Variants in POLR3E observed in about 807,000 individuals in gnomAD.
The protein encoded by POLR3E is DNA-directed RNA polymerase III subunit RPC5.
Under a neutral mutation model 96.6 loss-of-function variants are expected in POLR3E, and 41 were observed. The observed-to-expected ratio is 0.42, with a 90% CI of 0.33 to 0.55. The LOEUF (loss-of-function observed/expected upper bound fraction) is 0.55. Ranked by LOEUF, POLR3E falls within the 20% of genes least tolerant of loss-of-function variation. The probability of loss-of-function intolerance (pLI) is 0.06; values close to 1 mark genes in which losing one functional copy is unlikely to be tolerated. For synonymous variants in POLR3E, 396 were observed against 383.6 expected (o/e 1.03, Z -0.38); for missense variants, 849 against 952.1 (o/e 0.89, Z 1.43).
At chr16:22,307,115 G>A (rs1455449793) in intron 3 of POLR3E, among the ~76,000 whole-genome samples, 2 of 152,172 alleles carry the variant, frequency 1.3e-5, no homozygotes, top group Non-Finnish European at 2.9e-5. Context: ...TGCCTCCTCC[G>A]TGCTCACAGC....
At position 22,318,745 on chromosome 16, in the gene POLR3E, G is replaced by A; in HGVS notation, c.866-81G>A. 2 of 1,482,814 alleles carry A rather than the reference G, an allele frequency of 1.3e-6. No homozygotes were observed. Among genetic ancestry groups the A allele is most frequent in the Non-Finnish European group, 1.8e-6 (2 of 1,084,864 alleles). 91.9% of individuals were successfully genotyped at this position (1,482,814 alleles called of 1,614,324 possible). On this transcript the variant is annotated intron_variant, in intron 12 of 20. Coordinates refer to ENST00000299853, the MANE Select transcript of POLR3E (RefSeq NM_018119.4). This position sits in a 1 kb window ranked among gnomAD's most constrained non-coding sequence, Gnocchi z 5.0. ...CATTCTGGGGTTATTACATGAACTT[G>A]AAGCTATGCGGACTCTCGGTGGAGG... is the stretch of plus-strand genomic sequence containing the variant.
In POLR3E at chr16:22,325,830, C is replaced by T. The variant is rs771185200; in HGVS notation, c.1418C>T (p.Ala473Val). The T allele has an allele frequency of 2.4e-5, 39 of 1,611,118 alleles. No homozygotes were observed. Among genetic ancestry groups the T allele is most frequent in the Admixed American group, 1.5e-4 (9 of 59,748 alleles). Residue 473 changes from alanine to valine, a missense_variant, in exon 18 of 21, where the codon GCG (alanine) becomes GTG (valine). Coordinates refer to ENST00000299853, the MANE Select transcript of POLR3E (RefSeq NM_018119.4). The part of the protein sequence containing the change: ...VAKTKAQQNH[A>V]LLERELQRRK... ...AAAACCAAGGCCCAGCAGAACCACG[C>T]GTTGCTGGAGCGGGAGCTGCAGCGG...
intron 16 of POLR3E, 103 bp downstream of exon 16, chr16:22,324,763 A>C: frequency 7.1e-6 from 9 of 1,276,248 alleles, no homozygotes; most frequent in African/African-American, 1.5e-5. Context: ...GAAACCCCAC[A>C]TCTGGGGAGA....
intron 13 of POLR3E, 68 bp downstream of exon 13, chr16:22,319,014 G>A: frequency 8.0e-7 from 1 of 1,248,072 alleles, no homozygotes. Flanking sequence ...CACTCTTGTT[G>A]CCCAGGCTGG....
At chr16:22,305,785 G>A (rs1282276401) in intron 3 of POLR3E, among the ~76,000 whole-genome samples, 1 of 152,132 alleles carries the variant, frequency 6.6e-6, no homozygotes, top group Admixed American at 6.6e-5. Context: ...TGTCATTGTG[G>A]CCAACATGTA....
At chr16:22,316,768 C>A in intron 10 of POLR3E, 82 bp downstream of exon 10, 1 of 1,195,318 alleles carries the variant, frequency 8.4e-7, no homozygotes, top group African/African-American at 1.5e-5. Context: ...TCCCAGAGGA[C>A]TGTGGCCCCT....
intron 6 of POLR3E, 123 bp downstream of exon 6, chr16:22,309,633 C>G: frequency 1.3e-6 from 1 of 770,078 alleles, no homozygotes; most frequent in Admixed American, 1.8e-5. Flanking sequence ...CTGTGGGGGC[C>G]GGGCAGGTGT....
At position 22,313,580 on chromosome 16, in the gene POLR3E, G is replaced by A. The variant is rs770507569; in HGVS notation, c.365-40G>A. ...TGACTCTCTTGAGCCAAACTGGGTGGGTTTCTAGAGTTGAGTCCAAGCCCT... is the reference window on the plus strand; with the variant it reads ...TGACTCTCTTGAGCCAAACTGGGTGAGTTTCTAGAGTTGAGTCCAAGCCCT... On this transcript the variant is annotated intron_variant, in intron 6 of 20. Transcript: ENST00000299853. The surrounding 1 kb of genome is among the most constrained non-coding windows in gnomAD (Gnocchi z 4.1). The A allele has an allele frequency of 3.0e-5, 42 of 1,397,046 alleles. No homozygotes were observed. The highest frequency in any genetic ancestry group is 5.1e-6 in the Non-Finnish European group (5 of 983,918). 86.5% of individuals were successfully genotyped at this position (1,397,046 alleles called of 1,614,324 possible). A position where few individuals can be genotyped will look rare whatever the true frequency, so the allele number is the denominator to read the frequency against.
chr16:22,328,706 C>A, intron 19 of POLR3E, 119 bp downstream of exon 19: 1 of 803,370 alleles, frequency 1.2e-6, no homozygotes, highest in Non-Finnish European at 2.2e-6. Flanking sequence ...TTCTGGCACA[C>A]TCGGTTTTAA....
intron 1 of POLR3E, among the ~76,000 whole-genome samples, chr16:22,298,481 T>C (rs2047945170): frequency 6.6e-6 from 1 of 152,190 alleles, no homozygotes; most frequent in Admixed American, 6.5e-5. Context: ...TTAGTTTCCC[T>C]ACTTTAGGGA....
chr16:22,319,079 A>C, intron 13 of POLR3E, 133 bp downstream of exon 13: 2 of 547,190 alleles, frequency 3.7e-6, no homozygotes, highest in Admixed American at 6.4e-5. Flanking sequence ...GGTCCAAGCA[A>C]CTCTCCTGCC....
chr16:22,305,045 A>G, intron 2 of POLR3E, 111 bp from the exon 3 acceptor site: 1 of 829,730 alleles, frequency 1.2e-6, no homozygotes, highest in East Asian at 2.4e-5. Flanking sequence ...TCCTTCCCCA[A>G]ACTGCTTCCC....
At chr16:22,308,348 C>T (rs994242301) in intron 4 of POLR3E, 123 bp downstream of exon 4, 5 of 763,184 alleles carry the variant, frequency 6.6e-6, no homozygotes, top group Admixed American at 6.0e-5. Context: ...AACTCCCAGG[C>T]CCTTGAAAGC....
intron 1 of POLR3E, among the ~76,000 whole-genome samples, chr16:22,299,890 A>C (rs199516906): frequency 1.6e-5 from 2 of 126,702 alleles, no homozygotes; most frequent in Non-Finnish European, 1.5e-5. Context: ...TTAAAGAGAG[A>C]CCGGGGGGCG....
chr16:22,309,296 G>A (rs1178318049), intron 5 of POLR3E, 132 bp from the exon 6 acceptor site: 10 of 786,010 alleles, frequency 1.3e-5, no homozygotes, highest in Admixed American at 7.0e-5. Flanking sequence ...TGAGACCCGC[G>A]TAGGCTGCCC....
At chr16:22,332,785 A>C (rs2048768209) in intron 20 of POLR3E, among the ~76,000 whole-genome samples, 1 of 152,150 alleles carries the variant, frequency 6.6e-6, no homozygotes, top group Non-Finnish European at 1.5e-5. Context: ...CCTAATGTAC[A>C]ACCTATAATG....
At chr16:22,310,181 A>G (rs1239338634) in intron 6 of POLR3E, 1 of 152,782 alleles carries the variant, frequency 6.5e-6, no homozygotes, top group Non-Finnish European at 1.5e-5. Flanking sequence ...CCATAACATT[A>G]TAATGGAGCT....
At chr16:22,332,967 CTT>C (rs1166614906) in intron 20 of POLR3E, among the ~76,000 whole-genome samples, 1,643 of 73,118 alleles carry the variant, frequency 0.022, 14 homozygotes, top group African/African-American at 0.057. Context: ...CGTAGACCCC[CTT>C]TTTTTTTTTT....
chr16:22,326,559 T>A, intron 18 of POLR3E: 1 of 527,516 alleles, frequency 1.9e-6, no homozygotes. Flanking sequence ...ACAGGGCCCC[T>A]GCCTGGTTTC....
Sources: allele counts gnomAD v4.1 joint callset (sites outside exome capture counted in the v4.1 genomes callset), GRCh38; gene constraint gnomAD v4.1.1; non-coding constraint Gnocchi (gnomAD v3.1); transcripts MANE v1.5; gene names NCBI Gene and HGNC (gene_info 2026-07-23, HGNC 2026-07-21).